The following CADM1 variants were observed in gnomAD, a reference collection of about 807,000 sequenced individuals.
CADM1 encodes the protein TSLC-1.
CADM1 carries 15 observed loss-of-function variants against 53.1 expected under a neutral mutation model. The ratio of observed to expected loss-of-function variants is 0.28; its 90% confidence interval spans 0.19 to 0.44. The LOEUF (loss-of-function observed/expected upper bound fraction) is 0.44. Ranked by LOEUF, CADM1 falls within the 20% of genes least tolerant of loss-of-function variation. CADM1 has a pLI of 1.00. For synonymous variants in CADM1, 281 were observed against 243.0 expected (o/e 1.16, Z -1.45); for missense variants, 434 against 611.3 (o/e 0.71, Z 3.06).
chr11:115,406,322 A>G (rs1251259757), intron 1 of CADM1, among the ~76,000 whole-genome samples: 1 of 151,908 alleles, frequency 6.6e-6, no homozygotes, highest in Non-Finnish European at 1.5e-5. Context: ...GAATATATAA[A>G]AGATGTTAAG....
At chr11:115,231,146 C>A (rs989230550) in intron 4 of CADM1, among the ~76,000 whole-genome samples, 1 of 152,158 alleles carries the variant, frequency 6.6e-6, no homozygotes. Context: ...TCACCATGAA[C>A]CCTCAAACAG....
chr11:115,199,236 T>C (rs1461249769), intron 8 of CADM1, among the ~76,000 whole-genome samples: 2 of 152,200 alleles, frequency 1.3e-5, no homozygotes. Flanking sequence ...TCATATGACA[T>C]TCCAAAAATT....
rs142461961 is a variant in CADM1, at chr11:115,257,513, T to C, written c.125-17093A>G. Among the ~76,000 whole-genome samples the C allele has an allele frequency of 1.1e-3, 170 of 152,356 alleles. 2 individuals are homozygous for C. The highest frequency in any genetic ancestry group is 1.8e-3 in the Non-Finnish European group (123 of 68,040). On this transcript the variant is annotated intron_variant, in intron 1 of 11. Transcript: ENST00000331581. The stretch of plus-strand genomic sequence containing the variant: ...AGAACCTTAACCTTTAGAATGCTGG[T>C]ATTCTCTAGCACTGTAACCAGAGGA...
Position 115,178,690 on chromosome 11 carries a change from C to T in CADM1, c.1251G>A (p.Met417Ile), listed in dbSNP as rs1939160402. ...GCCCCAGAATGATGAGCAAGCACAG[C>T]ATGGCGAACACCACCACCGCCACGA... Reference protein sequence around the residue: ...GGVVAVVVFAMLCLLIILGRY... With the variant: ...GGVVAVVVFAILCLLIILGRY... Residue 417 changes from methionine (M) to isoleucine (I), a missense_variant, in exon 11 of 12, where the codon ATG becomes ATA. Physicochemically the swap from Met to Ile is conservative, Grantham distance 10. Around this residue, in one of 4 missense-constraint regions of CADM1, gnomAD observed 311 missense variants for 435.1 expected, o/e 0.71. Transcript: ENST00000331581. The T allele has an allele frequency of 6.2e-7, 1 of 1,613,722 alleles. No homozygotes were observed. Among genetic ancestry groups the T allele is most frequent in the Non-Finnish European group, 8.5e-7 (1 of 1,179,990 alleles).
intron 11 of CADM1, among the ~76,000 whole-genome samples, chr11:115,178,221 T>C (rs1189052821): frequency 1.3e-5 from 2 of 151,854 alleles, no homozygotes; most frequent in Non-Finnish European, 1.5e-5. Flanking sequence ...TTACACAGAG[T>C]CTGGGGACAG....
intron 1 of CADM1, among the ~76,000 whole-genome samples, chr11:115,456,248 A>G (rs927092363): frequency 1.3e-5 from 2 of 152,160 alleles, no homozygotes; most frequent in African/African-American, 4.8e-5. Flanking sequence ...CTTACCAGAT[A>G]TGAATATACA....
chr11:115,212,499 T>A (rs1307390914), intron 7 of CADM1, among the ~76,000 whole-genome samples: 1 of 152,194 alleles, frequency 6.6e-6, no homozygotes, highest in East Asian at 1.9e-4. Context: ...AGGATAGGTG[T>A]ACCATCTTGG....
At chr11:115,340,728 T>C in intron 1 of CADM1, among the ~76,000 whole-genome samples, 1 of 139,448 alleles carries the variant, frequency 7.2e-6, no homozygotes, top group East Asian at 2.1e-4. Flanking sequence ...TGGCGCAACT[T>C]TGGCTCACTG....
chr11:115,338,718 A>G (rs1945332182), intron 1 of CADM1, among the ~76,000 whole-genome samples: 1 of 152,034 alleles, frequency 6.6e-6, no homozygotes, highest in South Asian at 2.1e-4. Flanking sequence ...TTGGGCAATT[A>G]CATCTCACAC....
intron 1 of CADM1, among the ~76,000 whole-genome samples, chr11:115,273,597 A>G (rs1943363608): frequency 6.6e-6 from 1 of 152,224 alleles, no homozygotes; most frequent in South Asian, 2.1e-4. Flanking sequence ...TTACAAAAAT[A>G]AATTGTATTT....
At chr11:115,331,873 C>CTTTTTTTTT (rs141722707) in intron 1 of CADM1, among the ~76,000 whole-genome samples, 25 of 146,860 alleles carry the variant, frequency 1.7e-4, no homozygotes, top group South Asian at 2.2e-4. Context: ...AAATATAGAC[C>CTTTTTTTTT]TTTTTTTTTG....
Position 115,214,611 on chromosome 11 carries a change from A to T in CADM1, c.991T>A (p.Tyr331Asn). The stretch of plus-strand genomic sequence containing the variant: ...AGCATTTTATCTTCTCACGTACCGT[A>T]TACATACAGCATATAATCCGAGTGA... Reference protein sequence around the residue: ...KAHSDYMLYVYDPPTTIPPPT... With the variant: ...KAHSDYMLYVNDPPTTIPPPT... The change falls in exon 7 of 12, where the codon TAC becomes AAC. Residue 331 changes from tyrosine (Y) to asparagine (N), a missense_variant. Around this residue, in one of 4 missense-constraint regions of CADM1, gnomAD observed 311 missense variants for 435.1 expected, o/e 0.71. Transcript: ENST00000331581. 2 of 1,613,652 alleles carry T rather than the reference A, an allele frequency of 1.2e-6. No homozygotes were observed. Among genetic ancestry groups the T allele is most frequent in the Non-Finnish European group, 1.7e-6 (2 of 1,179,580 alleles).
intron 9 of CADM1, among the ~76,000 whole-genome samples, chr11:115,194,316 T>C (rs1054718348): frequency 6.6e-6 from 1 of 152,180 alleles, no homozygotes; most frequent in Non-Finnish European, 1.5e-5. Context: ...TAAAGTATAA[T>C]AAGAAAATTG....
At chr11:115,308,568 G>C (rs543202374) in intron 1 of CADM1, among the ~76,000 whole-genome samples, 9 of 152,096 alleles carry the variant, frequency 5.9e-5, no homozygotes, top group African/African-American at 2.2e-4. Flanking sequence ...GTGTTAGAGT[G>C]ATTTTTTTCA....
At chr11:115,428,398 T>G (rs1947952697) in intron 1 of CADM1, among the ~76,000 whole-genome samples, 1 of 152,158 alleles carries the variant, frequency 6.6e-6, no homozygotes, top group African/African-American at 2.4e-5. Context: ...TGGGAGGAAA[T>G]ATATAAATGG....
At chr11:115,415,438 CTGCT>C (rs1211862246) in intron 1 of CADM1, among the ~76,000 whole-genome samples, 1 of 152,076 alleles carries the variant, frequency 6.6e-6, no homozygotes, top group Non-Finnish European at 1.5e-5. Context: ...TTTAAAGAGT[CTGCT>C]TGAGTTACAA....
chr11:115,215,021 T>C (rs1021701984), intron 6 of CADM1, among the ~76,000 whole-genome samples: 2 of 152,234 alleles, frequency 1.3e-5, no homozygotes, highest in African/African-American at 4.8e-5. Context: ...TTCCAATTCA[T>C]GTTCGACAAA....
At chr11:115,197,823 A>G (rs143366288) in intron 9 of CADM1, among the ~76,000 whole-genome samples, 98 of 152,308 alleles carry the variant, frequency 6.4e-4, no homozygotes, top group African/African-American at 2.1e-3. Context: ...ACACATAGAG[A>G]TTAGGAGTGA....
intron 1 of CADM1, among the ~76,000 whole-genome samples, chr11:115,267,828 G>A (rs780071789): frequency 9.2e-5 from 14 of 151,714 alleles, no homozygotes; most frequent in Non-Finnish European, 1.5e-5. Flanking sequence ...AGAAGGACAC[G>A]TGCAAAAGAA....
Sources: gnomAD v4.1 joint callset for allele counts (sites outside exome capture counted in the v4.1 genomes callset) on GRCh38, gnomAD v4.1.1 for gene constraint, gnomAD v4.1.1 regional missense constraint, MANE v1.5 for transcripts, NCBI Gene and HGNC (gene_info 2026-07-23, HGNC 2026-07-21) for gene names.